Variants in LHFPL2 observed in about 807,000 individuals in gnomAD.
LHFPL2 encodes LHFPL tetraspan subfamily member 2 protein.
LHFPL2 carries 7 observed loss-of-function variants against 17.5 expected under a neutral mutation model. The observed-to-expected ratio is 0.40, with a 90% CI of 0.23 to 0.75. LHFPL2 has a LOEUF of 0.75. Among genes scored for constraint, LHFPL2 ranks in the 30% least tolerant of loss-of-function variants. LHFPL2 has a pLI of 0.37. For missense variants in LHFPL2, 241 were observed against 294.8 expected (o/e 0.82, Z 1.34); for synonymous variants, 134 against 116.2 (o/e 1.15, Z -0.99).
chr5:78,627,799 A>G (rs1032802569), intron 2 of LHFPL2, among the ~76,000 whole-genome samples: 4 of 152,124 alleles, frequency 2.6e-5, no homozygotes, highest in Non-Finnish European at 5.9e-5. Flanking sequence ...GTGCTTTGAC[A>G]CTCCGAATAA....
intron 2 of LHFPL2, among the ~76,000 whole-genome samples, chr5:78,598,712 A>G (rs1216235621): frequency 1.3e-5 from 2 of 152,158 alleles, no homozygotes; most frequent in African/African-American, 4.8e-5. Flanking sequence ...CTCCAACAAA[A>G]TAGATCTCAT....
chr5:78,531,927 A>ATT (rs536783744), intron 3 of LHFPL2, among the ~76,000 whole-genome samples: 19 of 141,944 alleles, frequency 1.3e-4, no homozygotes, highest in South Asian at 4.6e-4. Context: ...TGCCCGGCTA[A>ATT]TTTTTTTTTT....
intron 3 of LHFPL2, among the ~76,000 whole-genome samples, chr5:78,558,725 C>T (rs938965384): frequency 6.6e-6 from 1 of 152,196 alleles, no homozygotes; most frequent in Non-Finnish European, 1.5e-5. Flanking sequence ...AATAATCCAT[C>T]AGACAGAAGG....
In LHFPL2 at chr5:78,486,975, C is replaced by G. The variant is rs954561053; in HGVS notation, c.*1922G>C. On this transcript the variant is annotated 3_prime_UTR_variant, in exon 5 of 5. Coordinates refer to ENST00000380345, the MANE Select transcript of LHFPL2 (RefSeq NM_005779.3). ...GGTTAGAACATTATAAATGTACACA[C>G]AGAGACAGAAGCTTTGTCCAGTGGC... 1.2e-4 allele frequency: 18 copies of G among 152,234 alleles called. No individual in the cohort carries two copies. Among genetic ancestry groups the G allele is most frequent in the African/African-American group, 3.9e-4 (16 of 41,460 alleles). 9.4% of individuals were successfully genotyped at this position (152,234 alleles called of 1,614,324 possible).
At chr5:78,492,603 G>A (rs1754481794) in intron 4 of LHFPL2, among the ~76,000 whole-genome samples, 1 of 152,218 alleles carries the variant, frequency 6.6e-6, no homozygotes, top group Non-Finnish European at 1.5e-5. Context: ...AGGTGTGACT[G>A]CTGAGGGGCT....
chr5:78,516,900 A>G (rs894503437), intron 3 of LHFPL2, among the ~76,000 whole-genome samples: 1 of 152,138 alleles, frequency 6.6e-6, no homozygotes, highest in African/African-American at 2.4e-5. Flanking sequence ...TATTCTGCGA[A>G]TGGCAAAATG....
chr5:78,544,365 G>C (rs1580793348), intron 3 of LHFPL2, among the ~76,000 whole-genome samples: 1 of 152,116 alleles, frequency 6.6e-6, no homozygotes, highest in Non-Finnish European at 1.5e-5. Context: ...TCAGGTCTTT[G>C]GTTTTGCATC....
chr5:78,540,495 A>C (rs1268227289), intron 3 of LHFPL2, among the ~76,000 whole-genome samples: 1 of 152,194 alleles, frequency 6.6e-6, no homozygotes, highest in Non-Finnish European at 1.5e-5. Flanking sequence ...CCTTTTTAGG[A>C]ACCACCATAG....
chr5:78,556,073 C>T (rs962399070), intron 3 of LHFPL2, among the ~76,000 whole-genome samples: 1 of 152,122 alleles, frequency 6.6e-6, no homozygotes, highest in African/African-American at 2.4e-5. Context: ...GACAGGGGCA[C>T]CCACTGGGCA....
At position 78,632,267 on chromosome 5, in the gene LHFPL2, G is replaced by A. The variant is rs1745281241; in HGVS notation, c.-248C>T. On this transcript the variant is annotated 5_prime_UTR_variant, in exon 2 of 5. Transcript: ENST00000380345. ...TCTAGGTATAAGGACAACCCACCTG[G>A]CTGTGAGCAGTCCCAGGTCCCTCGC... 6.6e-6 allele frequency: 1 copy of A among 152,198 alleles called. No homozygotes were observed. Among genetic ancestry groups the A allele is most frequent in the Non-Finnish European group, 1.5e-5 (1 of 68,044 alleles). 9.4% of individuals were successfully genotyped at this position (152,198 alleles called of 1,614,324 possible).
At chr5:78,510,772 G>A (rs940319167) in intron 3 of LHFPL2, among the ~76,000 whole-genome samples, 1 of 152,216 alleles carries the variant, frequency 6.6e-6, no homozygotes, top group Non-Finnish European at 1.5e-5. Flanking sequence ...GAGAGGAGGA[G>A]GCAAGACTGG....
intron 3 of LHFPL2, among the ~76,000 whole-genome samples, chr5:78,520,524 A>G (rs1755421067): frequency 6.6e-6 from 1 of 152,230 alleles, no homozygotes; most frequent in African/African-American, 2.4e-5. Context: ...AGATGGCTCC[A>G]TAGGACCTGC....
intron 1 of LHFPL2, among the ~76,000 whole-genome samples, chr5:78,643,817 T>C (rs1015713672): frequency 6.6e-6 from 1 of 152,206 alleles, no homozygotes; most frequent in African/African-American, 2.4e-5. Context: ...TCTCAGCACT[T>C]TGGGAGGCCA....
intron 3 of LHFPL2, among the ~76,000 whole-genome samples, chr5:78,527,047 A>T (rs1755640636): frequency 6.6e-6 from 1 of 152,254 alleles, no homozygotes; most frequent in South Asian, 2.1e-4. Flanking sequence ...GAGAAACTCC[A>T]GAAGGTTGAA....
intron 2 of LHFPL2, among the ~76,000 whole-genome samples, chr5:78,566,001 C>T (rs6884609): frequency 0.43 from 65,776 of 151,910 alleles, 14,373 homozygotes; most frequent in Middle Eastern, 0.48. Context: ...ACACTGTATA[C>T]GAGTAAATAT....
At chr5:78,558,977 C>T (rs1756654407) in intron 3 of LHFPL2, among the ~76,000 whole-genome samples, 1 of 152,186 alleles carries the variant, frequency 6.6e-6, no homozygotes, top group Admixed American at 6.5e-5. Flanking sequence ...AGAGAGCTGC[C>T]CTGTTCCTGT....
chr5:78,574,273 G>A (rs1757074052), intron 2 of LHFPL2, among the ~76,000 whole-genome samples: 1 of 152,184 alleles, frequency 6.6e-6, no homozygotes, highest in African/African-American at 2.4e-5. Flanking sequence ...GGTGCCCTCT[G>A]TACACCAGGC....
chr5:78,497,670 T>G (rs903493155), intron 4 of LHFPL2, among the ~76,000 whole-genome samples: 1 of 152,206 alleles, frequency 6.6e-6, no homozygotes, highest in African/African-American at 2.4e-5. Context: ...TCTTGACAAG[T>G]TTTTGAAATG....
chr5:78,572,008 C>A (rs576653358), intron 2 of LHFPL2, among the ~76,000 whole-genome samples: 1 of 152,100 alleles, frequency 6.6e-6, no homozygotes, highest in Non-Finnish European at 1.5e-5. Flanking sequence ...GATGAATACA[C>A]GCGTGGGCAG....
Sources: gnomAD v4.1 joint callset for allele counts (sites outside exome capture counted in the v4.1 genomes callset) on GRCh38, gnomAD v4.1.1 for gene constraint, MANE v1.5 for transcripts, NCBI Gene and HGNC (gene_info 2026-07-23, HGNC 2026-07-21) for gene names.